The following SF3B3 variants were observed in gnomAD, a reference collection of about 807,000 sequenced individuals.
The protein encoded by SF3B3 is SAP 130.
A neutral mutation model predicts 139.2 loss-of-function variants in SF3B3; 33 were observed. The ratio of observed to expected loss-of-function variants is 0.24; its 90% CI spans 0.18 to 0.32. SF3B3 has a LOEUF of 0.32. Among genes scored for constraint, SF3B3 ranks in the 10% least tolerant of loss-of-function variants. SF3B3 has a pLI of 1.00. For missense variants in SF3B3, 818 were observed against 1,509.4 expected (o/e 0.54, Z 7.59); for synonymous variants, 596 against 563.6 (o/e 1.06, Z -0.81).
At chr16:70,542,790 C>G (rs945580192) in intron 9 of SF3B3, among the ~76,000 whole-genome samples, 1 of 148,998 alleles carries the variant, frequency 6.7e-6, no homozygotes, top group African/African-American at 2.5e-5. Flanking sequence ...GGCGTGATCT[C>G]GGCTCACTGC....
intron 6 of SF3B3, among the ~76,000 whole-genome samples, chr16:70,536,339 T>A (rs1022472480): frequency 1.3e-5 from 2 of 151,950 alleles, no homozygotes; most frequent in African/African-American, 2.4e-5. Context: ...GGCTAAATTT[T>A]TTTTGTATTT....
At chr16:70,527,980 T>G (rs1292738962) in intron 2 of SF3B3, among the ~76,000 whole-genome samples, 1 of 152,008 alleles carries the variant, frequency 6.6e-6, no homozygotes, top group Non-Finnish European at 1.5e-5. Flanking sequence ...TTTCACCATA[T>G]TGGCCAGGCT....
chr16:70,554,964 T>G, intron 12 of SF3B3, 87 bp from the exon 13 acceptor site: 2 of 1,328,898 alleles, frequency 1.5e-6, no homozygotes, highest in Non-Finnish European at 2.1e-6. Context: ...AGGTCTGATT[T>G]TAGTGACAGA....
intron 9 of SF3B3, among the ~76,000 whole-genome samples, chr16:70,542,175 T>A (rs1482239313): frequency 6.6e-6 from 1 of 152,132 alleles, no homozygotes; most frequent in Non-Finnish European, 1.5e-5. Flanking sequence ...TTCTTGTGAC[T>A]GCTTCTAGGT....
intron 10 of SF3B3, 74 bp from the exon 11 acceptor site, chr16:70,548,296 T>G (rs2050288220): frequency 1.6e-6 from 2 of 1,237,860 alleles, no homozygotes; most frequent in Admixed American, 1.7e-5. Flanking sequence ...GAGACCTTAT[T>G]TTTTGATGTG....
chr16:70,538,548 A>T, intron 7 of SF3B3, 88 bp downstream of exon 7: 1 of 1,220,166 alleles, frequency 8.2e-7, no homozygotes, highest in African/African-American at 1.5e-5. Context: ...AAAAAATGAG[A>T]ACTTAGAAAG....
Position 70,576,653 on chromosome 16 carries a change from T to A in SF3B3, c.*4840T>A, listed in dbSNP as rs1406490678. 6.6e-6 allele frequency: 1 copy of A among 151,632 alleles called. No individual in the cohort carries two copies. The highest frequency in any genetic ancestry group is 2.1e-4 in the South Asian group (1 of 4,808). 9.4% of individuals were successfully genotyped at this position (151,632 alleles called of 1,614,324 possible). ...ACTGGGGAATCTCAGCTTTAGGGAG[T>A]CGATGATGTAACTGGAGAAAGGCAA... On this transcript the variant is annotated 3_prime_UTR_variant, in exon 26 of 26. Transcript: ENST00000302516.
At chr16:70,559,233 G>A (rs1009264347) in intron 15 of SF3B3, among the ~76,000 whole-genome samples, 4 of 152,174 alleles carry the variant, frequency 2.6e-5, no homozygotes, top group African/African-American at 7.2e-5. Flanking sequence ...GAATTCTAAA[G>A]ACAAAATTCG....
intron 9 of SF3B3, 111 bp downstream of exon 9, chr16:70,541,945 T>C: frequency 1.0e-6 from 1 of 1,000,832 alleles, no homozygotes; most frequent in South Asian, 2.0e-5. Flanking sequence ...TGTAAAGCAG[T>C]TAGAGGTAGA....
chr16:70,529,217 C>T lies in SF3B3; in HGVS notation c.397+18C>T, dbSNP rs756101789. The T allele has an allele frequency of 6.3e-7, 1 of 1,596,504 alleles. No individual in the cohort carries two copies. The highest frequency in any genetic ancestry group is 8.6e-7 in the Non-Finnish European group (1 of 1,166,268). The stretch of plus-strand genomic sequence containing the variant: ...TATGATTAGTAAGTGATTTACTCTA[C>T]TTGCTGTATATGCCTAGTTTAGGAT... On this transcript the variant is annotated intron_variant, in intron 3 of 25. Coordinates refer to ENST00000302516, the MANE Select transcript of SF3B3 (RefSeq NM_012426.5).
intron 4 of SF3B3, among the ~76,000 whole-genome samples, chr16:70,531,250 AGAGT>A (rs1425817302): frequency 6.6e-6 from 1 of 152,090 alleles, no homozygotes; most frequent in Non-Finnish European, 1.5e-5. Context: ...CCTGGGCGAC[AGAGT>A]GAGACTCCAT....
Position 70,530,949 on chromosome 16 carries a change from T to G in SF3B3, c.570+32T>G, listed in dbSNP as rs761503514. 2.3e-5 allele frequency: 36 copies of G among 1,567,374 alleles called. No homozygotes were observed. The Admixed American group carries it at 6.6e-4, about 29-fold the overall frequency. On this transcript the variant is annotated intron_variant, in intron 4 of 25. Transcript: ENST00000302516. ...GGGACCCTGTCTCTTTGCGTTTCTT[T>G]CAGTCACCTCAGTGTTTTTTTTTAA...
intron 11 of SF3B3, among the ~76,000 whole-genome samples, chr16:70,548,762 A>G (rs970310232): frequency 6.6e-6 from 1 of 152,236 alleles, no homozygotes; most frequent in Non-Finnish European, 1.5e-5. Flanking sequence ...GAGGTATGAT[A>G]TGAGGGAAAG....
In SF3B3 at chr16:70,526,594, G is replaced by T; in HGVS notation, c.-63G>T. On this transcript the variant is annotated 5_prime_UTR_variant, in exon 2 of 26. Coordinates refer to ENST00000302516, the MANE Select transcript of SF3B3 (RefSeq NM_012426.5). ...TGTTTTCTGTTTTCTTAGCTTTCTT[G>T]GACTCCGTACTGTTGGTGTAACCAA... The T allele has an allele frequency of 3.6e-6, 4 of 1,123,404 alleles. No individual in the cohort carries two copies. The highest frequency in any genetic ancestry group is 2.7e-5 in the South Asian group (2 of 74,728). 69.6% of individuals were successfully genotyped at this position (1,123,404 alleles called of 1,614,324 possible).
chr16:70,525,980 A>AG (rs2050059736), intron 1 of SF3B3, among the ~76,000 whole-genome samples: 1 of 146,054 alleles, frequency 6.8e-6, no homozygotes, highest in East Asian at 2.0e-4. Flanking sequence ...AAAAAAAAAA[A>AG]GGAAAAAAAA....
chr16:70,561,695 A>G lies in SF3B3; in HGVS notation c.2199A>G (p.Pro733=). 2 of 1,613,292 alleles carry G rather than the reference A, an allele frequency of 1.2e-6. No individual in the cohort carries two copies. The highest frequency in any genetic ancestry group is 1.7e-6 in the Non-Finnish European group (2 of 1,179,782). The stretch of plus-strand genomic sequence containing the variant: ...ACCAATCTCGCTTCCATCTCACCCC[A>G]CTGTCTTACGAGACACTGGAATTTG... ...YSYQSRFHLT[P]LSYETLEFAS... is the part of the protein sequence containing the mutation. Residue 733 remains proline (P), a synonymous_variant, in exon 17 of 26, where the codon CCA becomes CCG. Coordinates refer to ENST00000302516, the MANE Select transcript of SF3B3 (RefSeq NM_012426.5).
rs773096644 is a variant in SF3B3, at chr16:70,557,033, A to G, written c.2010+4A>G. 3 of 1,603,652 alleles carry G rather than the reference A, an allele frequency of 1.9e-6. No individual in the cohort carries two copies. The highest frequency in any genetic ancestry group is 2.7e-5 in the African/African-American group (2 of 74,348). On this transcript the variant is annotated splice_donor_region_variant and intron_variant, in intron 15 of 25. Coordinates refer to ENST00000302516, the MANE Select transcript of SF3B3 (RefSeq NM_012426.5). Reference sequence around the variant, plus strand: ...ATACCTGAATATTGGGCTACAGGTAAGAGATCCAGAGGCCCACATTGTGGA... The same window carrying G: ...ATACCTGAATATTGGGCTACAGGTAGGAGATCCAGAGGCCCACATTGTGGA...
Position 70,572,948 on chromosome 16 carries a change from C to G in SF3B3, c.*1135C>G, listed in dbSNP as rs1267357289. The G allele has an allele frequency of 1.3e-5, 2 of 152,190 alleles. No homozygotes were observed. The highest frequency in any genetic ancestry group is 4.8e-5 in the African/African-American group (2 of 41,444). The allele number at this position is 152,190 out of a possible 1,614,324, so 9.4% of individuals were successfully genotyped here. On this transcript the variant is annotated 3_prime_UTR_variant, in exon 26 of 26. Coordinates refer to ENST00000302516, the MANE Select transcript of SF3B3 (RefSeq NM_012426.5). ...CCTGGAGAAGTGAGCTCACTGTTCT[C>G]AATACTTCACAAATGTAAAACTTTC...
chr16:70,538,026 TA>T, intron 6 of SF3B3: 1 of 584,106 alleles, frequency 1.7e-6, no homozygotes, highest in South Asian at 1.4e-5. Flanking sequence ...GATGACTCTT[TA>T]AAAAATTTCA....
Sources: allele counts gnomAD v4.1 joint callset (sites outside exome capture counted in the v4.1 genomes callset), GRCh38; gene constraint gnomAD v4.1.1; transcripts MANE v1.5; gene names NCBI Gene and HGNC (gene_info 2026-07-23, HGNC 2026-07-21).